Variants in EYS observed in about 807,000 individuals in gnomAD.
The protein encoded by EYS is protein eyes shut homolog.
EYS carries 250 observed loss-of-function variants against 282.1 expected under a neutral mutation model. The ratio of observed to expected loss-of-function variants is 0.89; its 90% CI spans 0.80 to 0.98. EYS has a LOEUF of 0.98. Ranked by LOEUF, EYS falls within the 50% of genes least tolerant of loss-of-function variation. The pLI is 0.00. For missense variants in EYS, 4,016 were observed against 3,709.0 expected, an observed-to-expected ratio of 1.08 and a Z score of -2.15; for synonymous variants, 1,355 against 1,282.9, an observed-to-expected ratio of 1.06 and a Z score of -1.20.
intron 31 of EYS, among the ~76,000 whole-genome samples, chr6:64,162,022 G>A (rs1775121934): frequency 6.6e-6 from 1 of 152,096 alleles, no homozygotes; most frequent in African/African-American, 2.4e-5. Flanking sequence ...GATAGGTTTA[G>A]GGGAGAGATT....
Position 63,984,404 on chromosome 6 carries a change from C to T in EYS, c.7034G>A (p.Arg2345His), listed in dbSNP as rs201304559. Reference protein sequence around the residue: ...HVPWCAHHLCRNNGTCISDNE... With the variant: ...HVPWCAHHLCHNNGTCISDNE... Reference sequence around the variant, plus strand: ...TGACCTGATGCAGGTGCCATTGTTGCGGCACAGATGATGAGCACACCAAGG... The same window carrying T: ...TGACCTGATGCAGGTGCCATTGTTGTGGCACAGATGATGAGCACACCAAGG... Residue 2345 changes from arginine to histidine, a missense_variant, in exon 35 of 43, where the codon CGC (arginine) becomes CAC (histidine). By Grantham distance (29) the Arg-to-His change is conservative. Coordinates refer to ENST00000503581, the MANE Select transcript of EYS (RefSeq NM_001142800.2). 1.3e-4 allele frequency: 194 copies of T among 1,548,262 alleles called. No individual in the cohort carries two copies. In the African/African-American group the frequency reaches 1.4e-3, roughly 11 times the overall value.
chr6:63,918,527 T>C (rs1455764857), intron 35 of EYS, among the ~76,000 whole-genome samples: 2 of 152,130 alleles, frequency 1.3e-5, no homozygotes, highest in African/African-American at 4.8e-5. Flanking sequence ...CAATAGGTGC[T>C]CATCCTAAGG....
At chr6:64,806,416 A>G (rs967528820) in intron 22 of EYS, among the ~76,000 whole-genome samples, 6 of 151,928 alleles carry the variant, frequency 3.9e-5, no homozygotes, top group African/African-American at 7.3e-5. Context: ...TGATACCAGT[A>G]TGGATTACTT....
At chr6:65,122,596 T>C (rs1200693005) in intron 12 of EYS, among the ~76,000 whole-genome samples, 2 of 152,106 alleles carry the variant, frequency 1.3e-5, no homozygotes, top group Non-Finnish European at 1.5e-5. Flanking sequence ...ACATAGGAAA[T>C]TATGTTAGTT....
rs755153553 is a variant in EYS, at chr6:63,720,403, A to G, written c.*193T>C. 3.3e-5 allele frequency: 17 copies of G among 514,420 alleles called. No homozygotes were observed. The highest frequency in any genetic ancestry group is 2.2e-4 in the South Asian group (6 of 27,178). The allele number at this position is 514,420 out of a possible 1,614,324, so 31.9% of individuals were successfully genotyped here. On this transcript the variant is annotated 3_prime_UTR_variant, in exon 43 of 43. Transcript: ENST00000503581. ...AAAACATGAATCAAAATATATACAG[A>G]TAAATTAGATGTAGGAAAAACAATC...
intron 14 of EYS, among the ~76,000 whole-genome samples, chr6:64,956,710 A>G (rs962986857): frequency 1.3e-5 from 2 of 152,210 alleles, no homozygotes; most frequent in African/African-American, 4.8e-5. Context: ...TAACCAGAAT[A>G]TATAAGGATC....
intron 34 of EYS, among the ~76,000 whole-genome samples, chr6:63,993,595 A>T (rs1242086457): frequency 6.6e-6 from 1 of 151,870 alleles, no homozygotes; most frequent in Admixed American, 6.6e-5. Flanking sequence ...AAATAGCATA[A>T]GAATAAACTT....
chr6:64,444,977 C>T (rs566455575), intron 26 of EYS, among the ~76,000 whole-genome samples: 3 of 152,318 alleles, frequency 2.0e-5, no homozygotes, highest in African/African-American at 7.2e-5. Context: ...CTGGTACAGC[C>T]TGCTGAACCA....
intron 31 of EYS, among the ~76,000 whole-genome samples, chr6:64,100,268 T>C (rs1230068392): frequency 6.6e-6 from 1 of 152,184 alleles, no homozygotes; most frequent in East Asian, 1.9e-4. Context: ...TCCTGTTCTT[T>C]AATTCTTTTC....
intron 29 of EYS, among the ~76,000 whole-genome samples, chr6:64,374,294 C>G (rs1027222239): frequency 2.6e-5 from 4 of 151,956 alleles, no homozygotes; most frequent in Non-Finnish European, 5.9e-5. Flanking sequence ...TCTATTGGGT[C>G]TATGGCACCA....
chr6:65,676,525 T>A (rs1582591589), intron 1 of EYS, among the ~76,000 whole-genome samples: 1 of 151,866 alleles, frequency 6.6e-6, no homozygotes, highest in Non-Finnish European at 1.5e-5. Flanking sequence ...TAGAAAGTGT[T>A]AACAGGCATA....
intron 12 of EYS, among the ~76,000 whole-genome samples, chr6:65,178,450 G>T (rs1765285388): frequency 6.6e-6 from 1 of 151,856 alleles, no homozygotes; most frequent in African/African-American, 2.4e-5. Context: ...AATAGGAACA[G>T]CTTCAGACGA....
chr6:65,685,167 T>G (rs1702823840), intron 1 of EYS, among the ~76,000 whole-genome samples: 1 of 151,992 alleles, frequency 6.6e-6, no homozygotes. Context: ...GACAGGTGAG[T>G]AGGGACAAAG....
At chr6:65,675,992 C>T (rs2149835402) in intron 1 of EYS, among the ~76,000 whole-genome samples, 1 of 151,820 alleles carries the variant, frequency 6.6e-6, no homozygotes, top group Admixed American at 6.6e-5. Flanking sequence ...ACCAATGGAT[C>T]AAAGACAAAA....
chr6:64,684,082 C>T (rs1242269088), intron 22 of EYS, among the ~76,000 whole-genome samples: 2 of 152,120 alleles, frequency 1.3e-5, no homozygotes, highest in Non-Finnish European at 2.9e-5. Context: ...ACCTTCGTTT[C>T]AGAGCCTTAC....
intron 31 of EYS, among the ~76,000 whole-genome samples, chr6:64,199,293 A>G (rs1765392866): frequency 6.6e-6 from 1 of 152,224 alleles, no homozygotes; most frequent in South Asian, 2.1e-4. Flanking sequence ...ATCTACAACA[A>G]TTTGATTTTG....
At chr6:64,118,702 A>C (rs558819384) in intron 31 of EYS, among the ~76,000 whole-genome samples, 1 of 152,142 alleles carries the variant, frequency 6.6e-6, no homozygotes, top group Non-Finnish European at 1.5e-5. Flanking sequence ...TATCAAACTA[A>C]AAAGTGCCTG....
chr6:65,352,765 T>C (rs1340188486), intron 9 of EYS, among the ~76,000 whole-genome samples: 2 of 151,964 alleles, frequency 1.3e-5, no homozygotes, highest in Non-Finnish European at 2.9e-5. Context: ...TGTCAAAACC[T>C]ATAGTAATTT....
At chr6:63,800,762 G>T (rs1465454104) in intron 37 of EYS, among the ~76,000 whole-genome samples, 2 of 152,224 alleles carry the variant, frequency 1.3e-5, no homozygotes, top group African/African-American at 2.4e-5. Context: ...CCAAGATCCT[G>T]CCACTGAACT....
Sources: gnomAD v4.1 joint callset for allele counts (sites outside exome capture counted in the v4.1 genomes callset) on GRCh38, gnomAD v4.1.1 for gene constraint, MANE v1.5 for transcripts, NCBI Gene and HGNC (gene_info 2026-07-23, HGNC 2026-07-21) for gene names.